The following PTPRA variants were observed in gnomAD, a reference collection of about 807,000 sequenced individuals.
PTPRA encodes protein tyrosine phosphatase receptor type A, also known as receptor-type tyrosine-protein phosphatase alpha.
A neutral mutation model predicts 104.8 loss-of-function variants in PTPRA; 25 were observed. The observed-to-expected ratio is 0.24, with a 90% CI of 0.17 to 0.33. The LOEUF is 0.33. Among genes scored for constraint, PTPRA ranks in the 10% least tolerant of loss-of-function variants. The pLI is 1.00. For synonymous variants in PTPRA, 323 were observed against 368.9 expected (o/e 0.88, Z 1.43); for missense variants, 765 against 1,015.3 (o/e 0.75, Z 3.35).
chr20:3,015,927 T>G, intron 12 of PTPRA, 42 bp downstream of exon 12: 2 of 1,526,866 alleles, frequency 1.3e-6, no homozygotes, highest in Non-Finnish European at 1.8e-6. Flanking sequence ...TTAACCATGA[T>G]CACATAATGG....
rs2062996213 is a variant in PTPRA, at chr20:2,988,341, C to T, written c.605C>T (p.Pro202Leu). 6.3e-7 allele frequency: 1 copy of T among 1,599,818 alleles called. No individual in the cohort carries two copies. Among genetic ancestry groups the T allele is most frequent in the African/African-American group, 1.4e-5 (1 of 73,856 alleles). ...LSNGRTEDVE[P>L]QSVPLLARSP... Reference sequence around the variant, plus strand: ...CCTTCTCCCTTGTGTACTGCAGAGCCCCAGAGTGTGCCACTTCTGGCCAGA... The same window carrying T: ...CCTTCTCCCTTGTGTACTGCAGAGCTCCAGAGTGTGCCACTTCTGGCCAGA... The change falls in exon 9 of 24, where the codon CCC (proline) becomes CTC (leucine). Residue 202 changes from proline to leucine, a missense_variant. Coordinates refer to ENST00000399903, the MANE Select transcript of PTPRA (RefSeq NM_001385305.1).
chr20:3,019,955 T>A (rs2148416649), intron 13 of PTPRA, among the ~76,000 whole-genome samples: 1 of 148,226 alleles, frequency 6.7e-6, no homozygotes, highest in South Asian at 2.4e-4. Flanking sequence ...GCGCCTGCAA[T>A]CGCAGGCACT....
chr20:3,002,135 G>C (rs1282234542), intron 9 of PTPRA, among the ~76,000 whole-genome samples: 1 of 150,966 alleles, frequency 6.6e-6, no homozygotes, highest in Non-Finnish European at 1.5e-5. Flanking sequence ...GCGAGACCCT[G>C]TCTCCAAAAA....
intron 2 of PTPRA, among the ~76,000 whole-genome samples, chr20:2,929,205 G>C (rs2060419497): frequency 6.6e-6 from 1 of 151,810 alleles, no homozygotes; most frequent in African/African-American, 2.4e-5. Flanking sequence ...ACCTGCCTCA[G>C]CCTCCCAAAG....
intron 1 of PTPRA, among the ~76,000 whole-genome samples, chr20:2,896,126 G>A (rs62207188): frequency 0.18 from 27,133 of 152,032 alleles, 3,492 homozygotes; most frequent in African/African-American, 0.36. Context: ...TGTAATCCCA[G>A]CACTTTGGGA....
chr20:2,913,266 T>TACTCAGG (rs1329729284), intron 1 of PTPRA, among the ~76,000 whole-genome samples: 30 of 152,218 alleles, frequency 2.0e-4, no homozygotes, highest in African/African-American at 7.2e-4. Flanking sequence ...TAATCCCAGC[T>TACTCAGG]ACTCAGGAGG....
chr20:2,935,480 A>G (rs1364967994), intron 2 of PTPRA, among the ~76,000 whole-genome samples: 1 of 152,238 alleles, frequency 6.6e-6, no homozygotes, highest in Non-Finnish European at 1.5e-5. Flanking sequence ...ATATCTCTTC[A>G]ACATACCCAT....
chr20:3,010,814 G>A (rs536323422), intron 11 of PTPRA, among the ~76,000 whole-genome samples: 61 of 152,248 alleles, frequency 4.0e-4, no homozygotes, highest in Non-Finnish European at 4.4e-5. Flanking sequence ...TCTAATCACT[G>A]GCTAGGACAT....
In PTPRA at chr20:3,030,192, C is replaced by T. The variant is rs191798414; in HGVS notation, c.1920+2351C>T. 1.2e-3 allele frequency among the ~76,000 whole-genome samples: 184 copies of T among 152,322 alleles called. 1 individual carries two copies. The highest frequency in any genetic ancestry group is 5.8e-4 in the East Asian group (3 of 5,186). On this transcript the variant is annotated intron_variant, in intron 20 of 23. Transcript: ENST00000399903. Reference sequence around the variant, plus strand: ...TCTGTCCAGTCAGATGCAGGCTCTTCCATCCTTGAAAAGGACCTAGTGAGA... The same window carrying T: ...TCTGTCCAGTCAGATGCAGGCTCTTTCATCCTTGAAAAGGACCTAGTGAGA...
At position 3,022,881 on chromosome 20, in the gene PTPRA, C is replaced by A; in HGVS notation, c.1464+57C>A. 1 of 1,608,648 alleles carries A rather than the reference C, an allele frequency of 6.2e-7. No homozygotes were observed. The highest frequency in any genetic ancestry group is 1.1e-5 in the South Asian group (1 of 90,100). Reference sequence around the variant, plus strand: ...GGGTTCCAGGACTAAAACATCTGCCCACATTGAGGATTCACTCAGTCTCAC... The same window carrying A: ...GGGTTCCAGGACTAAAACATCTGCCAACATTGAGGATTCACTCAGTCTCAC... On this transcript the variant is annotated intron_variant, in intron 16 of 23. Transcript: ENST00000399903. This position sits in a 1 kb window ranked among gnomAD's most constrained non-coding sequence, Gnocchi z 4.6.
At chr20:2,980,704 GA>G (rs1020323424) in intron 6 of PTPRA, among the ~76,000 whole-genome samples, 6 of 152,054 alleles carry the variant, frequency 3.9e-5, no homozygotes, top group African/African-American at 7.2e-5. Context: ...AAAAATTTAA[GA>G]AAAAAAATTT....
At chr20:2,871,143 G>C (rs1307004033), upstream of PTPRA, among the ~76,000 whole-genome samples, 2 of 152,178 alleles carry the variant, frequency 1.3e-5, no homozygotes, top group Non-Finnish European at 2.9e-5. Context: ...TTGGTCTGTA[G>C]TTCTGTCACC....
At chr20:2,891,216 C>T (rs1442141235) in intron 1 of PTPRA, among the ~76,000 whole-genome samples, 1 of 152,220 alleles carries the variant, frequency 6.6e-6, no homozygotes, top group Non-Finnish European at 1.5e-5. Context: ...ACCTAGATGA[C>T]TGCTGCAGGT....
rs562208621 is a variant in PTPRA, at chr20:2,896,075, T to C, written c.-129+22315T>C. Among the ~76,000 whole-genome samples the C allele has an allele frequency of 2.6e-5, 4 of 152,188 alleles. No homozygotes were observed. The East Asian group carries it at 7.7e-4, about 29-fold the overall frequency. On this transcript the variant is annotated intron_variant, in intron 1 of 23. Transcript: ENST00000399903. ...GGATTTATAGATTATACATTGTGGT[T>C]AAAGAATATGGTCTATAGGCTGGGC... is the stretch of plus-strand genomic sequence containing the variant.
At position 2,913,330 on chromosome 20, in the gene PTPRA, AT is replaced by A. The variant is rs2059790152; in HGVS notation, c.-128-9875del. On this transcript the variant is annotated intron_variant, in intron 1 of 23. Transcript: ENST00000399903. The stretch of plus-strand genomic sequence containing the variant: ...GAGGCGGAGGTTGCAGTGAGCTGAG[AT>A]TGTGTCACTGCATTCCAGCCTGGGT... Among the ~76,000 whole-genome samples the A allele has an allele frequency of 3.3e-5, 5 of 152,110 alleles. No homozygotes were observed. In the South Asian group the frequency reaches 1.0e-3, roughly 32 times the overall value.
chr20:2,963,487 G>A (rs551988815), intron 3 of PTPRA, among the ~76,000 whole-genome samples: 9 of 151,944 alleles, frequency 5.9e-5, no homozygotes, highest in African/African-American at 1.7e-4. Flanking sequence ...TCAGCTACTC[G>A]GGAGGCTGAG....
intron 20 of PTPRA, among the ~76,000 whole-genome samples, chr20:3,030,691 T>TC (rs2065401597): frequency 7.2e-6 from 1 of 137,972 alleles, no homozygotes; most frequent in Admixed American, 7.3e-5. Context: ...TTTTTTTTTT[T>TC]TTTTTTTTTT....
At chr20:2,904,050 A>G (rs1173959843) in intron 1 of PTPRA, among the ~76,000 whole-genome samples, 1 of 151,832 alleles carries the variant, frequency 6.6e-6, no homozygotes, top group Non-Finnish European at 1.5e-5. Flanking sequence ...AGGACCACAG[A>G]CGCGTGCCAC....
Position 2,964,919 on chromosome 20 carries a change from A to T in PTPRA, c.132A>T (p.Lys44Asn). 1.9e-6 allele frequency: 3 copies of T among 1,614,174 alleles called. No individual in the cohort carries two copies. Among genetic ancestry groups the T allele is most frequent in the Non-Finnish European group, 2.5e-6 (3 of 1,180,000 alleles). Residue 44 changes from lysine (K) to asparagine (N), a missense_variant, in exon 5 of 24, where the codon AAA becomes AAT. Around this residue, in one of 4 missense-constraint regions of PTPRA, gnomAD observed 256 missense variants for 248.9 expected, o/e 1.03. Coordinates refer to ENST00000399903, the MANE Select transcript of PTPRA (RefSeq NM_001385305.1). ...ACTCATCAACGGCAGAACCAGTTAA[A>T]GAAGAGGCCAAAACTTCAAATCCAA... is the stretch of plus-strand genomic sequence containing the variant. ...LINSSTAEPV[K>N]EEAKTSNPTS... is the part of the protein sequence containing the mutation.
Sources: allele counts gnomAD v4.1 joint callset (sites outside exome capture counted in the v4.1 genomes callset), GRCh38; gene constraint gnomAD v4.1.1; regional missense constraint gnomAD v4.1.1; non-coding constraint Gnocchi (gnomAD v3.1); transcripts MANE v1.5; gene names NCBI Gene and HGNC (gene_info 2026-07-23, HGNC 2026-07-21).